CCSER1: variants seen among roughly 807,000 people sequenced by gnomAD.
CCSER1 encodes coiled-coil serine rich protein 1.
A neutral mutation model predicts 82.0 loss-of-function variants in CCSER1; 41 were observed. That is an observed-to-expected ratio of 0.50 (90% CI 0.39 to 0.65). The LOEUF is 0.65. CCSER1 is among the 30% of genes least tolerant of loss of function. The pLI is 0.00. For synonymous variants in CCSER1, 414 were observed against 383.9 expected (o/e 1.08, Z -0.92); for missense variants, 1,119 against 1,064.2 (o/e 1.05, Z -0.72).
chr4:90,574,251 A>ATTTTTTTTTTTTTTTTTTTTT lies in CCSER1; in HGVS notation c.1725-53766_1725-53746dup, dbSNP rs777629017. On this transcript the variant is annotated intron_variant, in intron 5 of 10. Transcript: ENST00000509176. ...CCATATAGCTTGTAGAAACACATTA[A>ATTTTTTTTTTTTTTTTTTTTT]TTTTTTTTTTTTTTTTTTTTTTTTT... 1.0e-4 allele frequency among the ~76,000 whole-genome samples: 9 copies of ATTTTTTTTTTTTTTTTTTTTT among 86,074 alleles called. 1 individual carries two copies. Among genetic ancestry groups the ATTTTTTTTTTTTTTTTTTTTT allele is most frequent in the African/African-American group, 5.5e-4 (9 of 16,458 alleles). 56.5% of individuals were successfully genotyped at this position (86,074 alleles called of 152,430 possible).
intron 5 of CCSER1, among the ~76,000 whole-genome samples, chr4:90,606,799 A>G (rs1466871911): frequency 1.3e-5 from 2 of 152,216 alleles, no homozygotes; most frequent in Non-Finnish European, 2.9e-5. Context: ...GCCCAGGGGC[A>G]TCCCAAACTA....
At chr4:90,529,517 A>C (rs1049816580) in intron 5 of CCSER1, among the ~76,000 whole-genome samples, 1 of 152,192 alleles carries the variant, frequency 6.6e-6, no homozygotes, top group African/African-American at 2.4e-5. Context: ...GGCGTGAGCC[A>C]CCATGCCTGG....
At chr4:90,324,997 T>G (rs572165341) in intron 3 of CCSER1, among the ~76,000 whole-genome samples, 26 of 152,368 alleles carry the variant, frequency 1.7e-4, no homozygotes, top group African/African-American at 5.8e-4. Context: ...GTGGCGTTAT[T>G]TCTGAGGGCT....
chr4:90,824,557 A>G (rs1290605577), intron 8 of CCSER1, among the ~76,000 whole-genome samples: 2 of 152,148 alleles, frequency 1.3e-5, no homozygotes, highest in Non-Finnish European at 2.9e-5. Flanking sequence ...CAAATTGAAT[A>G]AAATGGTATG....
intron 1 of CCSER1, among the ~76,000 whole-genome samples, chr4:90,221,868 G>T (rs1273604667): frequency 6.6e-6 from 1 of 152,100 alleles, no homozygotes; most frequent in Admixed American, 6.6e-5. Context: ...TATCAAGTGG[G>T]ACTGATCCTG....
chr4:90,624,839 T>G (rs1722983556), intron 5 of CCSER1, among the ~76,000 whole-genome samples: 1 of 152,216 alleles, frequency 6.6e-6, no homozygotes, highest in South Asian at 2.1e-4. Flanking sequence ...ACGAGGCATG[T>G]GTAAATATTA....
chr4:90,309,059 G>A lies in CCSER1; in HGVS notation c.775G>A (p.Glu259Lys), dbSNP rs2153478847. ...TCTTACCACAGCTCAGACACCTTCA[G>A]AATTTTTAGCCTTGACTGAAGATTC... ...ADLTTAQTPS[E>K]FLALTEDSVS... Residue 259 changes from glutamate to lysine, a missense_variant, in exon 2 of 11, where the codon GAA (glutamate) becomes AAA (lysine). Glu to Lys is a moderately conservative substitution (Grantham distance 56, BLOSUM62 1). Coordinates refer to ENST00000509176, the MANE Select transcript of CCSER1 (RefSeq NM_001145065.2). The A allele has an allele frequency of 3.1e-6, 5 of 1,613,796 alleles. No homozygotes were observed. The South Asian group carries it at 5.5e-5, about 18-fold the overall frequency.
intron 7 of CCSER1, among the ~76,000 whole-genome samples, chr4:90,765,168 G>A (rs1040511047): frequency 2.3e-4 from 35 of 152,078 alleles, no homozygotes; most frequent in African/African-American, 7.5e-4. Context: ...TATGTCCTTA[G>A]AGGAGTTTCT....
At chr4:90,936,155 A>T (rs1237524898) in intron 9 of CCSER1, among the ~76,000 whole-genome samples, 2 of 134,232 alleles carry the variant, frequency 1.5e-5, no homozygotes, top group Non-Finnish European at 1.7e-5. Flanking sequence ...ATTTTGTGGA[A>T]ACAGAATTTA....
intron 1 of CCSER1, among the ~76,000 whole-genome samples, chr4:90,191,719 C>T (rs1735668232): frequency 6.6e-6 from 1 of 152,006 alleles, no homozygotes; most frequent in Admixed American, 6.6e-5. Flanking sequence ...GAAATGGTTT[C>T]CTATGGAAAG....
chr4:90,996,291 A>G (rs1337712854), intron 9 of CCSER1, among the ~76,000 whole-genome samples: 1 of 152,120 alleles, frequency 6.6e-6, no homozygotes, highest in Non-Finnish European at 1.5e-5. Context: ...TCTGTTTCAC[A>G]AGCTTCTATT....
At chr4:91,344,598 A>G (rs1163119878) in intron 10 of CCSER1, among the ~76,000 whole-genome samples, 1 of 152,070 alleles carries the variant, frequency 6.6e-6, no homozygotes, top group Admixed American at 6.6e-5. Flanking sequence ...AGAGTTGTTT[A>G]ATAAGTTTTT....
At chr4:91,383,128 A>C (rs887490068) in intron 10 of CCSER1, among the ~76,000 whole-genome samples, 1 of 152,162 alleles carries the variant, frequency 6.6e-6, no homozygotes, top group African/African-American at 2.4e-5. Flanking sequence ...AACGAAAAAA[A>C]TTGTGTGATT....
intron 5 of CCSER1, among the ~76,000 whole-genome samples, chr4:90,526,370 C>T (rs970433087): frequency 6.6e-6 from 1 of 152,108 alleles, no homozygotes; most frequent in Non-Finnish European, 1.5e-5. Flanking sequence ...CCATGAGCCT[C>T]AGTTTTCTCA....
At chr4:90,352,973 A>G (rs192483914) in intron 3 of CCSER1, among the ~76,000 whole-genome samples, 2 of 132,362 alleles carry the variant, frequency 1.5e-5, no homozygotes, top group Admixed American at 1.5e-4. Flanking sequence ...CAATATGCAG[A>G]GCTATTTTAG....
chr4:90,244,800 G>T (rs560658130), intron 1 of CCSER1, among the ~76,000 whole-genome samples: 2 of 152,128 alleles, frequency 1.3e-5, no homozygotes, highest in Non-Finnish European at 1.5e-5. Context: ...TGAGATTTGC[G>T]TGGGGACACA....
rs1369907628 is a variant in CCSER1, at chr4:90,308,885, A to G, written c.601A>G (p.Ile201Val). The stretch of plus-strand genomic sequence containing the variant: ...TAAGCCAGTTCTACAGAGCCAATCC[A>G]TTTCATTGGTACAACAGTCTGAATT... ...FSKPVLQSQS[I>V]SLVQQSEFSL... The change falls in exon 2 of 11, where the codon ATT becomes GTT. Residue 201 changes from isoleucine to valine, a missense_variant. Ile to Val is a conservative substitution (Grantham distance 29). Transcript: ENST00000509176. The G allele has an allele frequency of 3.1e-6, 5 of 1,613,880 alleles. No homozygotes were observed. In the South Asian group the frequency reaches 3.3e-5, roughly 11 times the overall value.
intron 8 of CCSER1, among the ~76,000 whole-genome samples, chr4:90,895,760 T>C (rs1723619018): frequency 6.6e-6 from 1 of 151,904 alleles, no homozygotes; most frequent in South Asian, 2.1e-4. Context: ...ATATTATATA[T>C]ATATTTCTCC....
At chr4:91,478,341 C>T (rs977873293) in intron 10 of CCSER1, among the ~76,000 whole-genome samples, 8 of 151,746 alleles carry the variant, frequency 5.3e-5, no homozygotes, top group South Asian at 2.1e-4. Context: ...TTTTATTAAT[C>T]TTAAATATGA....
Sources: gnomAD v4.1 joint callset for allele counts (sites outside exome capture counted in the v4.1 genomes callset) on GRCh38, gnomAD v4.1.1 for gene constraint, MANE v1.5 for transcripts, NCBI Gene and HGNC (gene_info 2026-07-23, HGNC 2026-07-21) for gene names.